MRTFB: variants seen among roughly 807,000 people sequenced by gnomAD.
MRTFB encodes the protein myocardin-related transcription factor B.
In MRTFB, 29 loss-of-function variants were observed where a neutral mutation model predicts 104.2. The observed-to-expected ratio is 0.28, with a 90% CI of 0.21 to 0.38. The LOEUF (loss-of-function observed/expected upper bound fraction) is 0.38, where lower values mean the gene tolerates loss of function less well. MRTFB is among the 10% of genes least tolerant of loss of function. The probability of loss-of-function intolerance (pLI) is 1.00; values close to 1 mark genes in which losing one functional copy is unlikely to be tolerated. For missense variants in MRTFB, 1,270 were observed against 1,341.6 expected (o/e 0.95, Z 0.83); for synonymous variants, 535 against 519.5 (o/e 1.03, Z -0.41).
chr16:14,055,035 G>C, the MRTFB span, among the ~76,000 whole-genome samples: 1 of 152,182 alleles, frequency 6.6e-6, no homozygotes, highest in African/African-American at 2.4e-5. Flanking sequence ...TATAACTATA[G>C]AACAATGCAA....
intron 2 of MRTFB, among the ~76,000 whole-genome samples, chr16:14,120,192 A>G (rs140389743): frequency 1.3e-5 from 2 of 151,974 alleles, no homozygotes; most frequent in African/African-American, 2.4e-5. Flanking sequence ...CCTTTTGTTG[A>G]TATTTTGCAT....
chr16:14,008,944 G>GTTTATTTATTTATTTATTTATT, the MRTFB span, among the ~76,000 whole-genome samples: 2 of 149,650 alleles, frequency 1.3e-5, no homozygotes, highest in African/African-American at 4.9e-5. Flanking sequence ...AAAATTTTAT[G>GTTTATTTATTTATTTATTTATT]TATTTATTTA....
chr16:14,050,555 C>T, the MRTFB span, among the ~76,000 whole-genome samples: 2 of 151,974 alleles, frequency 1.3e-5, no homozygotes, highest in Non-Finnish European at 2.9e-5. Context: ...GAGTTTGAGT[C>T]CAGCTTAAAC....
intron 3 of MRTFB, 36 bp from the exon 4 acceptor site, chr16:14,210,207 C>G (rs369671012): frequency 1.3e-6 from 2 of 1,561,374 alleles, no homozygotes; most frequent in East Asian, 4.5e-5. Context: ...CCACAGTTGC[C>G]GATAAACTCC....
chr16:14,014,870 A>T, the MRTFB span, among the ~76,000 whole-genome samples: 1 of 152,110 alleles, frequency 6.6e-6, no homozygotes, highest in Non-Finnish European at 1.5e-5. Flanking sequence ...TCCATCTCAA[A>T]AAAATAAAAA....
At chr16:14,084,626 T>TA in intron 2 of MRTFB, among the ~76,000 whole-genome samples, 1 of 152,336 alleles carries the variant, frequency 6.6e-6, no homozygotes, top group South Asian at 2.1e-4. Context: ...TGGAATAGCA[T>TA]ATAGAATATG....
chr16:14,021,797 C>T, the MRTFB span, among the ~76,000 whole-genome samples: 1 of 152,160 alleles, frequency 6.6e-6, no homozygotes, highest in Non-Finnish European at 1.5e-5. Flanking sequence ...GTATATACCA[C>T]AGTTTCTTTA....
chr16:14,075,641 A>G (rs1056457155), intron 1 of MRTFB, among the ~76,000 whole-genome samples: 1 of 152,256 alleles, frequency 6.6e-6, no homozygotes, highest in African/African-American at 2.4e-5. Context: ...CCATACTTTG[A>G]GAACCATTAG....
chr16:14,098,258 T>G (rs1322908448), intron 2 of MRTFB, among the ~76,000 whole-genome samples: 2 of 152,224 alleles, frequency 1.3e-5, no homozygotes, highest in African/African-American at 4.8e-5. Flanking sequence ...TGGTCAGTCT[T>G]TTCACATTAT....
chr16:14,041,786 C>T, the MRTFB span, among the ~76,000 whole-genome samples: 2 of 151,890 alleles, frequency 1.3e-5, no homozygotes, highest in South Asian at 2.1e-4. Flanking sequence ...ATTAGCCAGG[C>T]GTGGTGGCAC....
intron 3 of MRTFB, among the ~76,000 whole-genome samples, chr16:14,179,907 C>T (rs775500843): frequency 3.3e-5 from 5 of 152,124 alleles, no homozygotes; most frequent in African/African-American, 7.2e-5. Context: ...AGCACGACAC[C>T]GGTGAGACGC....
chr16:14,247,130 T>C lies in MRTFB; in HGVS notation c.1870T>C (p.Ser624Pro). Residue 624 changes from serine to proline, a missense_variant, in exon 12 of 17, where the codon TCT (serine) becomes CCT (proline). Transcript: ENST00000571589. ...AGCCCAGCCCAGTGCCCCAGGTCAT[T>C]CTGTCAAGTCAGATCAGAAGCACGG... is the stretch of plus-strand genomic sequence containing the variant. ...LEAQPSAPGH[S>P]VKSDQKHGSL... is the part of the protein sequence containing the mutation. 6.2e-7 allele frequency: 1 copy of C among 1,614,150 alleles called. No homozygotes were observed. Among genetic ancestry groups the C allele is most frequent in the Non-Finnish European group, 8.5e-7 (1 of 1,180,040 alleles).
intron 2 of MRTFB, among the ~76,000 whole-genome samples, chr16:14,108,568 G>A (rs750459505): frequency 4.6e-5 from 7 of 152,182 alleles, no homozygotes; most frequent in Non-Finnish European, 8.8e-5. Flanking sequence ...AACTGCGGGG[G>A]AACTTGGCCA....
At chr16:14,074,571 TA>T (rs1295492214) in intron 1 of MRTFB, among the ~76,000 whole-genome samples, 2 of 152,200 alleles carry the variant, frequency 1.3e-5, no homozygotes, top group Admixed American at 6.5e-5. Context: ...ATCTTAAAAT[TA>T]GCATGTGGTT....
intron 2 of MRTFB, among the ~76,000 whole-genome samples, chr16:14,123,253 CTGA>C (rs1266094593): frequency 1.3e-5 from 2 of 152,176 alleles, no homozygotes; most frequent in Non-Finnish European, 2.9e-5. Context: ...CCTGTTCACT[CTGA>C]TGATAGTTTC....
chr16:14,139,106 C>T (rs1271698615), intron 2 of MRTFB, among the ~76,000 whole-genome samples: 1 of 152,048 alleles, frequency 6.6e-6, no homozygotes, highest in Non-Finnish European at 1.5e-5. Flanking sequence ...AAATACTCTC[C>T]ATAAAACACT....
intron 3 of MRTFB, among the ~76,000 whole-genome samples, chr16:14,154,776 C>A (rs890875208): frequency 6.6e-6 from 1 of 152,186 alleles, no homozygotes; most frequent in Non-Finnish European, 1.5e-5. Context: ...TAGCAAGATT[C>A]AGTTCTTTTA....
chr16:14,126,902 T>G (rs2037138293), intron 2 of MRTFB, among the ~76,000 whole-genome samples: 1 of 152,246 alleles, frequency 6.6e-6, no homozygotes, highest in Admixed American at 6.5e-5. Context: ...AAGTGAATAC[T>G]TCATCCAGGA....
intron 3 of MRTFB, among the ~76,000 whole-genome samples, chr16:14,197,476 G>A (rs376446542): frequency 5.9e-5 from 9 of 152,038 alleles, no homozygotes; most frequent in East Asian, 1.9e-4. Context: ...CCAAATTCCC[G>A]CAATGAAGTG....
Sources: gnomAD v4.1 joint callset for allele counts (sites outside exome capture counted in the v4.1 genomes callset) on GRCh38, gnomAD v4.1.1 for gene constraint, MANE v1.5 for transcripts, NCBI Gene and HGNC (gene_info 2026-07-23, HGNC 2026-07-21) for gene names.